ULBP2: variants seen among roughly 807,000 people sequenced by gnomAD.
The protein encoded by ULBP2 is UL16 binding protein 2.
A neutral mutation model predicts 23.6 loss-of-function variants in ULBP2; 21 were observed. The ratio of observed to expected loss-of-function variants is 0.89; its 90% CI spans 0.63 to 1.28. The LOEUF (loss-of-function observed/expected upper bound fraction) is 1.28. Among genes scored for constraint, ULBP2 ranks in the 50% most tolerant of loss-of-function variants. ULBP2 has a pLI of 0.00. For synonymous variants in ULBP2, 82 were observed against 112.8 expected (o/e 0.73, Z 1.73); for missense variants, 251 against 306.0 (o/e 0.82, Z 1.34).
rs1413022123 is a variant in ULBP2, at chr6:149,948,773, G to A, written c.*73G>A. 13 of 456,564 alleles carry A rather than the reference G, an allele frequency of 2.8e-5. No individual in the cohort carries two copies. The highest frequency in any genetic ancestry group is 4.6e-5 in the South Asian group (3 of 64,568). The allele number at this position is 456,564 out of a possible 1,614,324, so 28.3% of individuals were successfully genotyped here. On this transcript the variant is annotated 3_prime_UTR_variant, in exon 5 of 5. Coordinates refer to ENST00000367351, the MANE Select transcript of ULBP2 (RefSeq NM_025217.4). ...TGTGAGCACGGTCTTGATCAAACTC[G>A]CCCTTCTGTCTGGCCAGCTGCCCAC...
intron 1 of ULBP2, 48 bp from the exon 2 acceptor site, chr6:149,945,261 T>A: frequency 2.5e-6 from 4 of 1,599,912 alleles, no homozygotes; most frequent in African/African-American, 1.3e-5. Context: ...GGGGGCTAAC[T>A]AGGGGTCTTT....
chr6:149,942,227 C>T, intron 1 of ULBP2, 70 bp downstream of exon 1: 1 of 1,518,362 alleles, frequency 6.6e-7, no homozygotes, highest in African/African-American at 1.4e-5. Context: ...CCGCGGGTTT[C>T]AGAGGAGGGG....
chr6:149,943,146 C>T (rs1276461480), intron 1 of ULBP2, among the ~76,000 whole-genome samples: 1 of 152,162 alleles, frequency 6.6e-6, no homozygotes, highest in East Asian at 1.9e-4. Context: ...AGAGCAACAG[C>T]AGGCAATGGC....
Position 149,948,708 on chromosome 6 carries a change from G to C in ULBP2, c.*23-15G>C, listed in dbSNP as rs778884048. ...TTCTCTGCCCCTTAAACCAACATTT[G>C]TGTCCTTTCTGAAGGTTAAAGCTGA... On this transcript the variant is annotated splice_polypyrimidine_tract_variant and intron_variant, in intron 4 of 4. Transcript: ENST00000367351. 2.2e-6 allele frequency: 1 copy of C among 456,732 alleles called. No homozygotes were observed. Among genetic ancestry groups the C allele is most frequent in the South Asian group, 1.5e-5 (1 of 64,574 alleles). 28.3% of individuals were successfully genotyped at this position (456,732 alleles called of 1,614,324 possible).
chr6:149,946,690 A>G (rs1485796852), intron 3 of ULBP2, 37 bp downstream of exon 3: 1 of 1,608,718 alleles, frequency 6.2e-7, no homozygotes, highest in East Asian at 2.2e-5. Flanking sequence ...CTCAAATGTG[A>G]TCAGAAATGG....
intron 1 of ULBP2, among the ~76,000 whole-genome samples, chr6:149,944,430 C>A (rs567289040): frequency 1.7e-3 from 252 of 147,730 alleles, no homozygotes; most frequent in African/African-American, 6.1e-3. Flanking sequence ...CAGTTGACAG[C>A]CTCCACCTGG....
chr6:149,945,781 A>G (rs545747057), intron 2 of ULBP2, among the ~76,000 whole-genome samples: 8 of 152,272 alleles, frequency 5.3e-5, no homozygotes, highest in Non-Finnish European at 1.2e-4. Context: ...TCTCTACCAA[A>G]AATGCAAAAA....
chr6:149,947,915 G>A (rs533590527), intron 4 of ULBP2, among the ~76,000 whole-genome samples: 37 of 152,342 alleles, frequency 2.4e-4, no homozygotes, highest in African/African-American at 8.9e-4. Context: ...GTAATCCCAG[G>A]AGGAGGGGGC....
intron 1 of ULBP2, among the ~76,000 whole-genome samples, chr6:149,942,377 G>T (rs575307460): frequency 6.6e-6 from 1 of 152,200 alleles, no homozygotes; most frequent in Admixed American, 6.5e-5. Context: ...TGGAAAGGAG[G>T]CTGGCAGGAG....
At chr6:149,942,184 G>C (rs775654093) in intron 1 of ULBP2, 27 bp downstream of exon 1, 3 of 1,608,186 alleles carry the variant, frequency 1.9e-6, no homozygotes, top group East Asian at 2.2e-5. Flanking sequence ...AGCCTAAGCC[G>C]GGCGGGGACC....
chr6:149,949,043 T>C lies in ULBP2; in HGVS notation c.*343T>C, dbSNP rs1215866576. Reference sequence around the variant, plus strand: ...GAAAATCAAGTACTTCTTTGAATGATGATCTCTTTCTTGCAAATGATATTG... The same window carrying C: ...GAAAATCAAGTACTTCTTTGAATGACGATCTCTTTCTTGCAAATGATATTG... On this transcript the variant is annotated 3_prime_UTR_variant, in exon 5 of 5. Transcript: ENST00000367351. 5.2e-6 allele frequency: 1 copy of C among 191,484 alleles called. No homozygotes were observed. Among genetic ancestry groups the C allele is most frequent in the East Asian group, 1.6e-4 (1 of 6,352 alleles). The allele number at this position is 191,484 out of a possible 1,614,324, so 11.9% of individuals were successfully genotyped here. A position where few individuals can be genotyped will look rare whatever the true frequency, so the allele number is the denominator to read the frequency against.
chr6:149,942,183 C>G (rs769696392), intron 1 of ULBP2, 26 bp downstream of exon 1: 1 of 1,608,464 alleles, frequency 6.2e-7, no homozygotes, highest in Non-Finnish European at 8.5e-7. Flanking sequence ...GAGCCTAAGC[C>G]GGGCGGGGAC....
intron 1 of ULBP2, among the ~76,000 whole-genome samples, chr6:149,943,981 A>G (rs1484936215): frequency 1.3e-5 from 2 of 151,952 alleles, no homozygotes; most frequent in Non-Finnish European, 2.9e-5. Flanking sequence ...GAGTAGTTAC[A>G]ATGGAGAATA....
At chr6:149,946,813 C>T (rs1336085321) in intron 3 of ULBP2, 160 bp downstream of exon 3, 4 of 1,237,278 alleles carry the variant, frequency 3.2e-6, no homozygotes, top group East Asian at 4.9e-5. Context: ...CATGCCTGTG[C>T]TCTCCCACCG....
At chr6:149,944,912 CA>C (rs1414892416) in intron 1 of ULBP2, among the ~76,000 whole-genome samples, 1 of 144,036 alleles carries the variant, frequency 6.9e-6, no homozygotes, top group African/African-American at 2.7e-5. Flanking sequence ...CCAGCATCCA[CA>C]GGGGTGGACC....
chr6:149,942,133 G>C lies in ULBP2; in HGVS notation c.61G>C (p.Gly21Arg), dbSNP rs760590266. 7.4e-6 allele frequency: 12 copies of C among 1,611,124 alleles called. No homozygotes were observed. Among genetic ancestry groups the C allele is most frequent in the Non-Finnish European group, 1.0e-5 (12 of 1,179,118 alleles). ...LCLPLLLLLS[G>R]WSRAGRADPH... ...CCTCCCGCTTCTGCTCCTGCTGTCCGGCTGGTCCCGGGCTGGGCGAGCCGG... is the reference window on the plus strand; with the variant it reads ...CCTCCCGCTTCTGCTCCTGCTGTCCCGCTGGTCCCGGGCTGGGCGAGCCGG... Residue 21 changes from glycine to arginine, a missense_variant, in exon 1 of 5, where the codon GGC (glycine) becomes CGC (arginine). Coordinates refer to ENST00000367351, the MANE Select transcript of ULBP2 (RefSeq NM_025217.4).
Position 149,947,021 on chromosome 6 carries a change from C to T in ULBP2, c.632-299C>T, listed in dbSNP as rs115712473. 6.1e-3 allele frequency among the ~76,000 whole-genome samples: 921 copies of T among 151,824 alleles called. 6 individuals carry two copies. Among genetic ancestry groups the T allele is most frequent in the African/African-American group, 0.02 (840 of 41,114 alleles). On this transcript the variant is annotated intron_variant, in intron 3 of 4. Transcript: ENST00000367351. Reference sequence around the variant, plus strand: ...GGAAATCCATCAAAACCACTTCCAACGCCAGCCCAGAGATCCTCCCCTCCC... The same window carrying T: ...GGAAATCCATCAAAACCACTTCCAATGCCAGCCCAGAGATCCTCCCCTCCC...
intron 1 of ULBP2, 67 bp from the exon 2 acceptor site, chr6:149,945,242 A>C: frequency 6.4e-7 from 1 of 1,563,778 alleles, no homozygotes; most frequent in Non-Finnish European, 8.7e-7. Context: ...TTATTGACAC[A>C]GCGTGGAGGG....
intron 1 of ULBP2, among the ~76,000 whole-genome samples, chr6:149,942,999 G>C (rs931478293): frequency 2.0e-5 from 3 of 152,146 alleles, no homozygotes; most frequent in African/African-American, 7.2e-5. Context: ...TTCTTCCTAC[G>C]GGGGTGTCAG....
Sources: gnomAD v4.1 joint callset for allele counts (sites outside exome capture counted in the v4.1 genomes callset) on GRCh38, gnomAD v4.1.1 for gene constraint, MANE v1.5 for transcripts, NCBI Gene and HGNC (gene_info 2026-07-23, HGNC 2026-07-21) for gene names.